The following EEF2K variants were observed in gnomAD, a reference collection of about 807,000 sequenced individuals.
EEF2K encodes alternative protein EEF2K.
A neutral mutation model predicts 93.8 loss-of-function variants in EEF2K; 70 were observed. The observed-to-expected ratio is 0.75, with a 90% CI of 0.62 to 0.91. EEF2K has a LOEUF of 0.91. Ranked by LOEUF, EEF2K falls within the 40% of genes least tolerant of loss-of-function variation. EEF2K has a pLI of 0.00. For synonymous variants in EEF2K, 376 were observed against 380.8 expected (o/e 0.99, Z 0.15); for missense variants, 935 against 972.9 (o/e 0.96, Z 0.52).
chr16:22,253,983 C>T (rs1486671124), intron 6 of EEF2K, among the ~76,000 whole-genome samples: 2 of 152,102 alleles, frequency 1.3e-5, no homozygotes, highest in African/African-American at 4.8e-5. Context: ...CCTGTAATCC[C>T]AGCTACTTGG....
At position 22,256,899 on chromosome 16, in the gene EEF2K, TGAGGCCGAGC is replaced by T. The variant is rs2047407231; in HGVS notation, c.768+3_768+12del. ...GACAACATCCGCCTGACGCCGCAGG[TGAGGCCGAGC>T]TCACCTCCACCCTCTGCCCACCACA... On this transcript the variant is annotated splice_donor_5th_base_variant and intron_variant, in intron 7 of 17. Transcript: ENST00000263026. The T allele has an allele frequency of 6.2e-7, 1 of 1,613,554 alleles. No individual in the cohort carries two copies. Among genetic ancestry groups the T allele is most frequent in the Non-Finnish European group, 8.5e-7 (1 of 1,179,926 alleles).
chr16:22,264,062 G>A (rs2047492594), intron 12 of EEF2K, among the ~76,000 whole-genome samples: 1 of 152,016 alleles, frequency 6.6e-6, no homozygotes, highest in Non-Finnish European at 1.5e-5. Context: ...GGGAGGCCGG[G>A]GCAGGCAGAT....
At chr16:22,231,386 G>A (rs1012890648) in intron 2 of EEF2K, among the ~76,000 whole-genome samples, 4 of 151,620 alleles carry the variant, frequency 2.6e-5, no homozygotes, top group African/African-American at 7.3e-5. Context: ...AAAGTGCTGG[G>A]ATTACAGGCA....
chr16:22,268,829 C>A (rs751470642), intron 15 of EEF2K, among the ~76,000 whole-genome samples: 1 of 151,712 alleles, frequency 6.6e-6, no homozygotes, highest in Non-Finnish European at 1.5e-5. Flanking sequence ...TGGTGGCATG[C>A]GCCTGTAATC....
chr16:22,223,265 T>G (rs1310524171), intron 1 of EEF2K, among the ~76,000 whole-genome samples: 1 of 150,232 alleles, frequency 6.7e-6, no homozygotes, highest in Non-Finnish European at 1.5e-5. Flanking sequence ...TTTTTCTGTT[T>G]TTTTTTTTTT....
intron 17 of EEF2K, 95 bp downstream of exon 17, chr16:22,280,471 CA>C: frequency 1.6e-6 from 2 of 1,257,528 alleles, no homozygotes; most frequent in Non-Finnish European, 2.0e-6. Flanking sequence ...GACAAGATGA[CA>C]GGCTGAATCT....
chr16:22,276,036 C>T (rs2047631093), intron 16 of EEF2K, among the ~76,000 whole-genome samples: 1 of 152,126 alleles, frequency 6.6e-6, no homozygotes, highest in African/African-American at 2.4e-5. Flanking sequence ...CAGCTTTGAC[C>T]TGGGCTCAAG....
chr16:22,269,898 A>T (rs2047560104), intron 15 of EEF2K, among the ~76,000 whole-genome samples: 1 of 151,204 alleles, frequency 6.6e-6, no homozygotes, highest in Admixed American at 6.6e-5. Flanking sequence ...AGTGTTTTTC[A>T]CTTGACAGTG....
Position 22,287,064 on chromosome 16 carries a change from C to G in EEF2K, c.*3068C>G, listed in dbSNP as rs1478592458. The G allele has an allele frequency of 6.6e-6, 1 of 152,264 alleles. No homozygotes were observed. Among genetic ancestry groups the G allele is most frequent in the Non-Finnish European group, 1.5e-5 (1 of 68,106 alleles). 9.4% of individuals were successfully genotyped at this position (152,264 alleles called of 1,614,324 possible). A position where few individuals can be genotyped will look rare whatever the true frequency, so the allele number is the denominator to read the frequency against. The stretch of plus-strand genomic sequence containing the variant: ...TTGAGATCCTTCTGAGCTAGGAGAA[C>G]TTATTCCACCTTCAAAACCTAGTTT... On this transcript the variant is annotated 3_prime_UTR_variant, in exon 18 of 18. Coordinates refer to ENST00000263026, the MANE Select transcript of EEF2K (RefSeq NM_013302.5).
chr16:22,215,945 C>G (rs960571724), intron 1 of EEF2K, among the ~76,000 whole-genome samples: 2 of 152,030 alleles, frequency 1.3e-5, no homozygotes, highest in Non-Finnish European at 2.9e-5. Context: ...AAACACTAAA[C>G]ATAAGGGTAT....
chr16:22,225,417 A>G (rs1028665262), intron 1 of EEF2K, among the ~76,000 whole-genome samples: 3 of 152,206 alleles, frequency 2.0e-5, no homozygotes, highest in Non-Finnish European at 2.9e-5. Flanking sequence ...TCCTTTCCCA[A>G]CCTGGTTCCA....
chr16:22,231,139 A>G (rs1003495769), intron 2 of EEF2K, among the ~76,000 whole-genome samples: 1 of 151,640 alleles, frequency 6.6e-6, no homozygotes, highest in Non-Finnish European at 1.5e-5. Context: ...CCCAGGCTGG[A>G]GTGCAGTGGT....
chr16:22,257,683 C>T lies in EEF2K; in HGVS notation c.942C>T (p.Cys314=). 6.2e-7 allele frequency: 1 copy of T among 1,613,988 alleles called. No individual in the cohort carries two copies. The highest frequency in any genetic ancestry group is 8.5e-7 in the Non-Finnish European group (1 of 1,180,048). The part of the protein sequence containing the change: ...GMALFFYSHA[C]NRICESMGLA... The stretch of plus-strand genomic sequence containing the variant: ...CGCTCTTCTTCTACTCTCATGCCTG[C>T]AACCGGATTTGCGAGAGCATGGGCC... Residue 314 remains cysteine (C), a synonymous_variant, in exon 9 of 18, where the codon TGC becomes TGT. Coordinates refer to ENST00000263026, the MANE Select transcript of EEF2K (RefSeq NM_013302.5).
chr16:22,288,162 G>A lies in EEF2K; in HGVS notation c.*4166G>A, dbSNP rs2141695390. On this transcript the variant is annotated 3_prime_UTR_variant, in exon 18 of 18. Coordinates refer to ENST00000263026, the MANE Select transcript of EEF2K (RefSeq NM_013302.5). Reference sequence around the variant, plus strand: ...CTGCCACCACGCGCAGCTAATGTTTGTATTTTTAGTAGAGACGGGGGTTTC... The same window carrying A: ...CTGCCACCACGCGCAGCTAATGTTTATATTTTTAGTAGAGACGGGGGTTTC... The A allele has an allele frequency of 6.6e-6, 1 of 152,248 alleles. No individual in the cohort carries two copies. The highest frequency in any genetic ancestry group is 2.1e-4 in the South Asian group (1 of 4,824). 9.4% of individuals were successfully genotyped at this position (152,248 alleles called of 1,614,324 possible).
chr16:22,238,382 G>C (rs1362127483), intron 2 of EEF2K, among the ~76,000 whole-genome samples: 1 of 152,112 alleles, frequency 6.6e-6, no homozygotes. Context: ...CAGATGGGCA[G>C]TTTGTACTGC....
chr16:22,270,749 G>A (rs1254490931), intron 15 of EEF2K, among the ~76,000 whole-genome samples: 1 of 152,088 alleles, frequency 6.6e-6, no homozygotes, highest in African/African-American at 2.4e-5. Flanking sequence ...AATATTGGCA[G>A]TTTCTTATGG....
intron 2 of EEF2K, among the ~76,000 whole-genome samples, chr16:22,226,520 T>C (rs77073164): frequency 8.6e-5 from 10 of 116,128 alleles, no homozygotes; most frequent in African/African-American, 1.3e-4. Flanking sequence ...TCTTCTTCTT[T>C]TTTTTTTTTT....
intron 11 of EEF2K, among the ~76,000 whole-genome samples, chr16:22,262,001 C>CCCCACACACACACACACACACACA (rs1555473206): frequency 1.2e-4 from 17 of 138,108 alleles, no homozygotes; most frequent in African/African-American, 4.5e-4. Flanking sequence ...TGAGACCCTG[C>CCCCACACACACACACACACACACA]CACACACACA....
At chr16:22,271,577 G>A (rs1288781586) in intron 15 of EEF2K, among the ~76,000 whole-genome samples, 5 of 151,664 alleles carry the variant, frequency 3.3e-5, no homozygotes, top group Admixed American at 2.6e-4. Context: ...GCACCTGCCT[G>A]TAGTCCCAGC....
Sources: gnomAD v4.1 joint callset for allele counts (sites outside exome capture counted in the v4.1 genomes callset) on GRCh38, gnomAD v4.1.1 for gene constraint, MANE v1.5 for transcripts, NCBI Gene and HGNC (gene_info 2026-07-23, HGNC 2026-07-21) for gene names.